The following PHKG2 variants were observed in gnomAD, a reference collection of about 807,000 sequenced individuals.
The protein encoded by PHKG2 is phosphorylase kinase catalytic subunit gamma 2.
PHKG2 carries 28 observed loss-of-function variants against 44.5 expected under a neutral mutation model. The observed-to-expected ratio is 0.63, with a 90% CI of 0.47 to 0.86. The LOEUF is 0.86. PHKG2 is among the 40% of genes least tolerant of loss of function. PHKG2 has a pLI of 0.00. For missense variants in PHKG2, 498 were observed against 547.5 expected, an observed-to-expected ratio of 0.91 and a Z score of 0.90; for synonymous variants, 220 against 211.2, an observed-to-expected ratio of 1.04 and a Z score of -0.36.
rs1414701619 is a variant in PHKG2 at position 30,760,868 on chromosome 16, T to G, written c.*3771T>G. On this transcript the variant is annotated 3_prime_UTR_variant, in exon 10 of 10. Transcript: ENST00000563588. ...CCTCTCCATTTCTAAAGCCTAGGGT[T>G]AGGAATCTTGAATTCTTTTTTCTGC... is the stretch of plus-strand genomic sequence containing the variant. The G allele has an allele frequency of 1.6e-6, 1 of 626,630 alleles. No individual in the cohort carries two copies. Among genetic ancestry groups the G allele is most frequent in the Non-Finnish European group, 2.8e-6 (1 of 356,526 alleles). The allele number at this position is 626,630 out of a possible 1,614,324, so 38.8% of individuals were successfully genotyped here. A position where few individuals can be genotyped will look rare whatever the true frequency, so the allele number is the denominator to read the frequency against.
chr16:30,751,065 G>A (rs908122799), intron 2 of PHKG2, 41 bp from the exon 3 acceptor site: 2 of 1,603,844 alleles, frequency 1.2e-6, no homozygotes, highest in Non-Finnish European at 1.7e-6. Context: ...GGAAATGTGA[G>A]CACAGAGGCC....
At position 30,760,763 on chromosome 16, in the gene PHKG2, G is replaced by A. The variant is rs935888964; in HGVS notation, c.*3666G>A. On this transcript the variant is annotated 3_prime_UTR_variant, in exon 10 of 10. Transcript: ENST00000563588. ...GTGAGACTGGGAGTTGGCCACCGGCGTGAAGCTGGGCTCTTTTGCCAGCTT... is the reference window on the plus strand; with the variant it reads ...GTGAGACTGGGAGTTGGCCACCGGCATGAAGCTGGGCTCTTTTGCCAGCTT... 13 of 1,130,466 alleles carry A rather than the reference G, an allele frequency of 1.1e-5. No individual in the cohort carries two copies. The East Asian group carries it at 1.5e-4, about 13-fold the overall frequency. 70.0% of individuals were successfully genotyped at this position (1,130,466 alleles called of 1,614,324 possible). A position where few individuals can be genotyped will look rare whatever the true frequency, so the allele number is the denominator to read the frequency against.
chr16:30,750,912 T>C (rs2053335379), intron 2 of PHKG2, among the ~76,000 whole-genome samples, 194 bp from the exon 3 acceptor site: 1 of 152,164 alleles, frequency 6.6e-6, no homozygotes, highest in African/African-American at 2.4e-5. Flanking sequence ...CCTGTGAGCT[T>C]TGTGTTGTGC....
rs762954272 is a variant in PHKG2, at chr16:30,757,045, A to G, written c.1169A>G (p.Glu390Gly). ...GPFPIMGPEE[E>G]GDSAAITEDE... ...TTTCCCATCATGGGCCCTGAAGAGG[A>G]GGGAGACTCTGCTGCTATAACTGAG... is the stretch of plus-strand genomic sequence containing the variant. Residue 390 changes from glutamate to glycine, a missense_variant, in exon 10 of 10, where the codon GAG (glutamate) becomes GGG (glycine). Coordinates refer to ENST00000563588, the MANE Select transcript of PHKG2 (RefSeq NM_000294.3). 4 of 1,613,010 alleles carry G rather than the reference A, an allele frequency of 2.5e-6. No homozygotes were observed. The highest frequency in any genetic ancestry group is 1.7e-6 in the Non-Finnish European group (2 of 1,180,030).
At chr16:30,748,761 C>T (rs1184357131) in intron 1 of PHKG2, 42 bp from the exon 2 acceptor site, 91 of 1,315,746 alleles carry the variant, frequency 6.9e-5, no homozygotes, top group Non-Finnish European at 8.0e-5. Context: ...GTCTCAGAGC[C>T]TGTGGGCCTC....
Position 30,759,135 on chromosome 16 carries a change from C to T in PHKG2, c.*2038C>T, listed in dbSNP as rs774912276. Reference sequence around the variant, plus strand: ...CAGAAGCAGGAAGAGACTGTGGCCCCAGGCCTGGCCCAGCCCAGCCCTGCC... The same window carrying T: ...CAGAAGCAGGAAGAGACTGTGGCCCTAGGCCTGGCCCAGCCCAGCCCTGCC... On this transcript the variant is annotated 3_prime_UTR_variant, in exon 10 of 10. Coordinates refer to ENST00000563588, the MANE Select transcript of PHKG2 (RefSeq NM_000294.3). The T allele has an allele frequency of 1.9e-6, 3 of 1,614,206 alleles. No homozygotes were observed. Among genetic ancestry groups the T allele is most frequent in the East Asian group, 4.5e-5 (2 of 44,880 alleles).
rs948864803 is a variant in PHKG2 at position 30,759,773 on chromosome 16, T to C, written c.*2676T>C. On this transcript the variant is annotated 3_prime_UTR_variant, in exon 10 of 10. Transcript: ENST00000563588. ...CAGTGAGGCCCTCTCTGGTATCCATTCATTCACTTCACTCAACAGCTGTTT... is the reference window on the plus strand; with the variant it reads ...CAGTGAGGCCCTCTCTGGTATCCATCCATTCACTTCACTCAACAGCTGTTT... 2 of 1,558,302 alleles carry C rather than the reference T, an allele frequency of 1.3e-6. No homozygotes were observed. Among genetic ancestry groups the C allele is most frequent in the African/African-American group, 2.7e-5 (2 of 73,140 alleles).
Position 30,753,530 on chromosome 16 carries a change from C to A in PHKG2, c.529C>A (p.His177Asn). 1 of 1,614,084 alleles carries A rather than the reference C, an allele frequency of 6.2e-7. No individual in the cohort carries two copies. Among genetic ancestry groups the A allele is most frequent in the Non-Finnish European group, 8.5e-7 (1 of 1,180,018 alleles). Residue 177 changes from histidine (H) to asparagine (N), a missense_variant, in exon 6 of 10, where the codon CAC (histidine) becomes AAC (asparagine). Physicochemically the swap from His to Asn is moderately conservative, Grantham distance 68. Transcript: ENST00000563588. ...IRLSDFGFSC[H>N]LEPGEKLREL... ...ACTTTCAGATTTCGGGTTCTCCTGC[C>A]ACTTGGAACCTGGCGAGAAGCTTCG... is the stretch of plus-strand genomic sequence containing the variant.
chr16:30,759,992 T>G lies in PHKG2; in HGVS notation c.*2895T>G. On this transcript the variant is annotated 3_prime_UTR_variant, in exon 10 of 10. Coordinates refer to ENST00000563588, the MANE Select transcript of PHKG2 (RefSeq NM_000294.3). ...ACCAAGAAATAGATCATTTCAGCTATTAAACATTCTGAAGCAAGAGCTATT... is the reference window on the plus strand; with the variant it reads ...ACCAAGAAATAGATCATTTCAGCTAGTAAACATTCTGAAGCAAGAGCTATT... 6.8e-7 allele frequency: 1 copy of G among 1,462,980 alleles called. No homozygotes were observed. The highest frequency in any genetic ancestry group is 9.0e-7 in the Non-Finnish European group (1 of 1,114,362). 90.6% of individuals were successfully genotyped at this position (1,462,980 alleles called of 1,614,324 possible).
chr16:30,748,917 T>TA lies in PHKG2; in HGVS notation c.95+4dup. On this transcript the variant is annotated splice_region_variant and intron_variant, in intron 2 of 9. Coordinates refer to ENST00000563588, the MANE Select transcript of PHKG2 (RefSeq NM_000294.3). ...CGACCCTAAGGACGTCATCGGCAGG[T>TA]AAGGCCGCGGCCAGGGAAACGGAGG... is the stretch of plus-strand genomic sequence containing the variant. The TA allele has an allele frequency of 6.5e-7, 1 of 1,550,304 alleles. No homozygotes were observed. Among genetic ancestry groups the TA allele is most frequent in the African/African-American group, 1.4e-5 (1 of 72,976 alleles).
In PHKG2 at chr16:30,758,807, A is replaced by C. The variant is rs886413116; in HGVS notation, c.*1710A>C. The C allele has an allele frequency of 2.4e-6, 2 of 820,496 alleles. No homozygotes were observed. Among genetic ancestry groups the C allele is most frequent in the Non-Finnish European group, 1.8e-6 (1 of 544,210 alleles). The allele number at this position is 820,496 out of a possible 1,614,324, so 50.8% of individuals were successfully genotyped here. A position where few individuals can be genotyped will look rare whatever the true frequency, so the allele number is the denominator to read the frequency against. Reference sequence around the variant, plus strand: ...TGAGCTCAGGCAATCCGCCTGCCTCAGATTGTGCTGGGATTACAGGTGTGA... The same window carrying C: ...TGAGCTCAGGCAATCCGCCTGCCTCCGATTGTGCTGGGATTACAGGTGTGA... On this transcript the variant is annotated 3_prime_UTR_variant, in exon 10 of 10. Transcript: ENST00000563588.
intron 4 of PHKG2, chr16:30,752,965 C>T: frequency 1.9e-6 from 1 of 532,524 alleles, no homozygotes; most frequent in Non-Finnish European, 3.4e-6. Context: ...TAGTTACTCT[C>T]AACAAGAACC....
chr16:30,751,778 C>T (rs1308966386), intron 4 of PHKG2, 175 bp downstream of exon 4: 11 of 743,298 alleles, frequency 1.5e-5, no homozygotes, highest in East Asian at 2.5e-5. Flanking sequence ...CCCTTGGTGC[C>T]ATGATTGAGG....
chr16:30,754,789 C>T (rs1186203146), intron 6 of PHKG2: 2 of 444,604 alleles, frequency 4.5e-6, no homozygotes, highest in African/African-American at 4.0e-5. Context: ...ACCTCCAGGG[C>T]AGCTTAGGTC....
intron 2 of PHKG2, among the ~76,000 whole-genome samples, chr16:30,750,474 G>A (rs1425545710): frequency 6.6e-6 from 1 of 152,204 alleles, no homozygotes; most frequent in African/African-American, 2.4e-5. Context: ...GGGTCATATG[G>A]AGTTGGTGAT....
At position 30,760,324 on chromosome 16, in the gene PHKG2, C is replaced by A. The variant is rs144822491; in HGVS notation, c.*3227C>A. Reference sequence around the variant, plus strand: ...GAAGATCCTGGAGCAGGGCACAAGCCGCTGACGTCTGCTCCAGTGAGAAGC... The same window carrying A: ...GAAGATCCTGGAGCAGGGCACAAGCAGCTGACGTCTGCTCCAGTGAGAAGC... On this transcript the variant is annotated 3_prime_UTR_variant, in exon 10 of 10. Coordinates refer to ENST00000563588, the MANE Select transcript of PHKG2 (RefSeq NM_000294.3). 1.2e-6 allele frequency: 2 copies of A among 1,614,194 alleles called. No individual in the cohort carries two copies.
At position 30,759,416 on chromosome 16, in the gene PHKG2, G is replaced by C; in HGVS notation, c.*2319G>C. On this transcript the variant is annotated 3_prime_UTR_variant, in exon 10 of 10. Transcript: ENST00000563588. The stretch of plus-strand genomic sequence containing the variant: ...TTGACCACGTAGTCTTCCAAGGCCA[G>C]CAGCTGTTCCTCTTTGAAGAGGTCG... 6.2e-7 allele frequency: 1 copy of C among 1,614,264 alleles called. No homozygotes were observed. The highest frequency in any genetic ancestry group is 8.5e-7 in the Non-Finnish European group (1 of 1,180,044).
intron 4 of PHKG2, 57 bp downstream of exon 4, chr16:30,751,660 C>A: frequency 7.1e-7 from 1 of 1,417,450 alleles, no homozygotes; most frequent in Non-Finnish European, 1.0e-6. Flanking sequence ...ATGTATGGCC[C>A]AGCATTTGTG....
chr16:30,757,079 C>T lies in PHKG2; in HGVS notation c.1203C>T (p.Ala401=), dbSNP rs369904042. ...CTGCTGCTATAACTGAGGATGAGGCCGTGCTTGTGCTGGGCTAGGACCTCA... is the reference window on the plus strand; with the variant it reads ...CTGCTGCTATAACTGAGGATGAGGCTGTGCTTGTGCTGGGCTAGGACCTCA... ...GDSAAITEDE[A]VLVLG Residue 401 remains alanine (A), a synonymous_variant, in exon 10 of 10, where the codon GCC becomes GCT. Transcript: ENST00000563588. The T allele has an allele frequency of 1.0e-4, 165 of 1,613,176 alleles. 1 individual carries two copies. Among genetic ancestry groups the T allele is most frequent in the Admixed American group, 1.3e-4 (8 of 60,002 alleles).
Sources: allele counts gnomAD v4.1 joint callset (sites outside exome capture counted in the v4.1 genomes callset), GRCh38; gene constraint gnomAD v4.1.1; transcripts MANE v1.5; gene names NCBI Gene and HGNC (gene_info 2026-07-23, HGNC 2026-07-21).